Variants in CCDC73 observed in about 807,000 individuals in gnomAD.
CCDC73 encodes coiled-coil domain containing 73, also known as coiled-coil domain-containing protein 73.
CCDC73 carries 95 observed loss-of-function variants against 116.5 expected under a neutral mutation model. The observed-to-expected ratio is 0.82, with a 90% confidence interval of 0.69 to 0.97. CCDC73 has a LOEUF of 0.97. Among genes scored for constraint, CCDC73 ranks in the 50% least tolerant of loss-of-function variants. The pLI, the probability that CCDC73 is intolerant of heterozygous loss-of-function variation, is 0.00. For missense variants in CCDC73, 1,066 were observed against 1,206.8 expected (o/e 0.88, Z 1.73); for synonymous variants, 398 against 401.3 (o/e 0.99, Z 0.10).
chr11:32,685,266 C>CA (rs35408326), intron 6 of CCDC73, among the ~76,000 whole-genome samples: 31,157 of 93,382 alleles, frequency 0.33, 5,244 homozygotes, highest in East Asian at 0.75. Context: ...AACACTGGAC[C>CA]AAAAAAAAAA....
At chr11:32,641,194 T>G (rs1301276386) in intron 13 of CCDC73, among the ~76,000 whole-genome samples, 1 of 152,176 alleles carries the variant, frequency 6.6e-6, no homozygotes, top group Non-Finnish European at 1.5e-5. Flanking sequence ...CACAATAGTC[T>G]AAAACATAAT....
At chr11:32,634,813 A>G (rs1855663671) in intron 14 of CCDC73, among the ~76,000 whole-genome samples, 1 of 152,224 alleles carries the variant, frequency 6.6e-6, no homozygotes, top group South Asian at 2.1e-4. Flanking sequence ...AAATGAGGTC[A>G]ATATACAAAA....
chr11:32,734,584 T>C (rs1389773348), intron 2 of CCDC73, among the ~76,000 whole-genome samples: 1 of 152,118 alleles, frequency 6.6e-6, no homozygotes, highest in Non-Finnish European at 1.5e-5. Context: ...TTCCGCAGTG[T>C]TTGTGTCCCT....
At chr11:32,757,795 C>A (rs1425691944) in intron 2 of CCDC73, among the ~76,000 whole-genome samples, 1 of 152,196 alleles carries the variant, frequency 6.6e-6, no homozygotes, top group Non-Finnish European at 1.5e-5. Context: ...CTGTCTCCCT[C>A]TTATATGAAT....
intron 3 of CCDC73, among the ~76,000 whole-genome samples, chr11:32,714,493 A>G (rs1849927288): frequency 6.6e-6 from 1 of 152,036 alleles, no homozygotes; most frequent in East Asian, 1.9e-4. Flanking sequence ...TCTAGAAATG[A>G]CCTCAGAAAG....
rs116071503 is a variant in CCDC73, at chr11:32,737,400, G to C, written c.136-19253C>G. 7.1e-3 allele frequency among the ~76,000 whole-genome samples: 1,085 copies of C among 152,086 alleles called. 17 individuals carry two copies. The highest frequency in any genetic ancestry group is 0.025 in the African/African-American group (1,046 of 41,486). ...GGAGGCCGAGGTGGGCAGACCACTT[G>C]AGACCAGGTCAAGACCAGCCTGGCC... On this transcript the variant is annotated intron_variant, in intron 2 of 17. Transcript: ENST00000335185.
intron 2 of CCDC73, among the ~76,000 whole-genome samples, chr11:32,734,482 G>C (rs1850110520): frequency 6.8e-6 from 1 of 146,550 alleles, no homozygotes; most frequent in Middle Eastern, 3.6e-3. Context: ...AGGGGGATTT[G>C]GCAGGGTCAT....
the CCDC73 span, among the ~76,000 whole-genome samples, chr11:32,820,124 A>C: frequency 6.6e-6 from 1 of 152,202 alleles, no homozygotes; most frequent in African/African-American, 2.4e-5. Context: ...GTTGAAGTCA[A>C]CTTGTTATTT....
chr11:32,818,718 T>C, the CCDC73 span, among the ~76,000 whole-genome samples: 2 of 150,562 alleles, frequency 1.3e-5, no homozygotes, highest in East Asian at 3.9e-4. Context: ...TGGATTATTA[T>C]TTAGCCATAA....
intron 1 of CCDC73, among the ~76,000 whole-genome samples, chr11:32,791,977 C>T (rs1850680370): frequency 8.9e-6 from 1 of 111,798 alleles, no homozygotes; most frequent in South Asian, 3.3e-4. Context: ...AAAAAAAAAC[C>T]ACACACACAC....
At chr11:32,813,092 T>C in the CCDC73 span, among the ~76,000 whole-genome samples, 1 of 152,218 alleles carries the variant, frequency 6.6e-6, no homozygotes, top group Non-Finnish European at 1.5e-5. Flanking sequence ...TCTTTATATA[T>C]TTTGAATATC....
At chr11:32,688,845 G>A (rs1000961057) in intron 6 of CCDC73, among the ~76,000 whole-genome samples, 15 of 152,236 alleles carry the variant, frequency 9.9e-5, no homozygotes, top group South Asian at 8.3e-4. Flanking sequence ...ACATACAGCT[G>A]AAGTTCAAAA....
At chr11:32,705,843 A>G (rs1849851136) in intron 3 of CCDC73, among the ~76,000 whole-genome samples, 1 of 152,154 alleles carries the variant, frequency 6.6e-6, no homozygotes, top group Admixed American at 6.5e-5. Context: ...CAGCATTTAC[A>G]CTGTTATGAC....
rs58867287 is a variant in CCDC73 at position 32,655,089 on chromosome 11, C to CATATATCAAGATAATACTA, written c.646-118_646-117insTAGTATTATCTTGATATAT. On this transcript the variant is annotated intron_variant, in intron 9 of 17. Transcript: ENST00000335185. ...CCTATAATTATAATTTGTTATAATTCCCTTGCAAGTTCCCTTGCAAGATTA... is the reference window on the plus strand; with the variant it reads ...CCTATAATTATAATTTGTTATAATTCATATATCAAGATAATACTACCTTGCAAGTTCCCTTGCAAGATTA... 9.1e-4 allele frequency: 695 copies of CATATATCAAGATAATACTA among 763,324 alleles called. 31 individuals carry two copies. The highest frequency in any genetic ancestry group is 1.1e-3 in the Non-Finnish European group (580 of 509,218). The allele number at this position is 763,324 out of a possible 1,614,324, so 47.3% of individuals were successfully genotyped here. A position where few individuals can be genotyped will look rare whatever the true frequency, so the allele number is the denominator to read the frequency against.
the CCDC73 span, among the ~76,000 whole-genome samples, chr11:32,808,857 A>T: frequency 6.6e-6 from 1 of 152,178 alleles, no homozygotes; most frequent in Non-Finnish European, 1.5e-5. Context: ...TAATCCTACT[A>T]CTCAGACATT....
At chr11:32,829,813 A>C in the CCDC73 span, 1 of 985,398 alleles carries the variant, frequency 1.0e-6, no homozygotes, top group Non-Finnish European at 1.2e-6. Context: ...CTGAGAGCGC[A>C]GCGCGGGCTC....
At chr11:32,694,749 A>C (rs1415316925) in intron 6 of CCDC73, among the ~76,000 whole-genome samples, 1 of 152,230 alleles carries the variant, frequency 6.6e-6, no homozygotes, top group Non-Finnish European at 1.5e-5. Context: ...TAGGAAAAAA[A>C]TGTAGTATTT....
chr11:32,788,784 A>T (rs2133404920), intron 1 of CCDC73, among the ~76,000 whole-genome samples: 1 of 152,280 alleles, frequency 6.6e-6, no homozygotes, highest in Non-Finnish European at 1.5e-5. Flanking sequence ...CTTAATCTCC[A>T]GGTATTTACA....
chr11:32,826,715 A>G, the CCDC73 span, among the ~76,000 whole-genome samples: 1 of 151,416 alleles, frequency 6.6e-6, no homozygotes, highest in African/African-American at 2.4e-5. Context: ...ATGACTATTC[A>G]TTTACTTCAT....
Sources: allele counts gnomAD v4.1 joint callset (sites outside exome capture counted in the v4.1 genomes callset), GRCh38; gene constraint gnomAD v4.1.1; transcripts MANE v1.5; gene names NCBI Gene and HGNC (gene_info 2026-07-23, HGNC 2026-07-21).